TRIM27: variants seen among roughly 807,000 people sequenced by gnomAD.
The protein encoded by TRIM27 is tripartite motif containing 27.
A neutral mutation model predicts 57.6 loss-of-function variants in TRIM27; 12 were observed. The observed-to-expected ratio is 0.21, with a 90% CI of 0.13 to 0.34. The LOEUF is 0.34. TRIM27 is among the 10% of genes least tolerant of loss of function. The pLI is 1.00. For missense variants in TRIM27, 403 were observed against 656.8 expected (o/e 0.61, Z 4.22); for synonymous variants, 266 against 259.0 (o/e 1.03, Z -0.26).
At chr6:28,918,953 A>G (rs1017170921) in intron 3 of TRIM27, among the ~76,000 whole-genome samples, 3 of 152,088 alleles carry the variant, frequency 2.0e-5, no homozygotes, top group Admixed American at 2.0e-4. Context: ...AAAACAGGGG[A>G]TGGACCATAA....
chr6:28,917,779 C>T (rs997595472), intron 3 of TRIM27, among the ~76,000 whole-genome samples: 1 of 151,910 alleles, frequency 6.6e-6, no homozygotes, highest in African/African-American at 2.4e-5. Flanking sequence ...TTCCACCTGC[C>T]TTCTCAGGAA....
In TRIM27 at chr6:28,920,117, G is replaced by T. The variant is rs201045848; in HGVS notation, c.642C>A (p.Ser214Arg). 6.2e-7 allele frequency: 1 copy of T among 1,614,256 alleles called. No individual in the cohort carries two copies. The highest frequency in any genetic ancestry group is 1.3e-5 in the African/African-American group (1 of 75,066). The change falls in exon 3 of 8, where the codon AGC becomes AGA. Residue 214 changes from serine (S) to arginine (R), a missense_variant. Transcript: ENST00000377199. ...AGAACTGGGTGATGGCACCATTGAT[G>T]CTATTGTAGATGGCCAAGTCTAGCT... ...LEELDLAIYN[S>R]INGAITQFSC...
chr6:28,918,026 A>G (rs924906165), intron 3 of TRIM27, among the ~76,000 whole-genome samples: 10 of 151,848 alleles, frequency 6.6e-5, no homozygotes, highest in Non-Finnish European at 5.9e-5. Context: ...GGGTTTCTCC[A>G]TGTTGGTCAG....
intron 2 of TRIM27, 66 bp downstream of exon 2, chr6:28,921,826 G>C: frequency 1.5e-6 from 2 of 1,313,910 alleles, no homozygotes; most frequent in South Asian, 1.2e-5. Context: ...TTTAAGGGAA[G>C]TAACATCAGC....
chr6:28,904,250 C>G lies in TRIM27; in HGVS notation c.1362G>C (p.Glu454Asp). 6.2e-7 allele frequency: 1 copy of G among 1,613,134 alleles called. No homozygotes were observed. Among genetic ancestry groups the G allele is most frequent in the Non-Finnish European group, 8.5e-7 (1 of 1,180,044 alleles). Residue 454 changes from glutamate (E) to aspartate (D), a missense_variant, in exon 8 of 8, where the codon GAG (glutamate) becomes GAC (aspartate). Physicochemically the swap from Glu to Asp is conservative, Grantham distance 45. Transcript: ENST00000377199. This position sits in a 1 kb window ranked among gnomAD's most constrained non-coding sequence, Gnocchi z 6.1. Reference protein sequence around the residue: ...AGEVSFYNVTERCHTFTFSHA... With the variant: ...AGEVSFYNVTDRCHTFTFSHA... ...GAGAGAAAGTGAAGGTGTGACACCT[C>G]TCTGTCACGTTGTAGAAGGAGACCT... is the stretch of plus-strand genomic sequence containing the variant.
At chr6:28,913,743 C>A (rs772015134) in intron 3 of TRIM27, among the ~76,000 whole-genome samples, 6 of 152,018 alleles carry the variant, frequency 3.9e-5, no homozygotes, top group Non-Finnish European at 7.4e-5. Flanking sequence ...TCTTTTGCAG[C>A]TTGTCTATTT....
At position 28,917,988 on chromosome 6, in the gene TRIM27, G is replaced by A. The variant is rs553592639; in HGVS notation, c.747+2024C>T. ...ATTACAAGCATGTGCCACCACACCCGGCTAATTTTGTATTTTTAATAGAGA... is the reference window on the plus strand; with the variant it reads ...ATTACAAGCATGTGCCACCACACCCAGCTAATTTTGTATTTTTAATAGAGA... On this transcript the variant is annotated intron_variant, in intron 3 of 7. Transcript: ENST00000377199. Among the ~76,000 whole-genome samples, 11 of 151,916 alleles carry A rather than the reference G, an allele frequency of 7.2e-5. No individual in the cohort carries two copies. The South Asian group carries it at 1.5e-3, about 20-fold the overall frequency.
rs1319638532 is a variant in TRIM27, at chr6:28,904,712, A to G, written c.947-47T>C. 1.4e-6 allele frequency: 2 copies of G among 1,468,558 alleles called. No homozygotes were observed. Among genetic ancestry groups the G allele is most frequent in the Non-Finnish European group, 9.2e-7 (1 of 1,088,092 alleles). The allele number at this position is 1,468,558 out of a possible 1,614,324, so 91.0% of individuals were successfully genotyped here. On this transcript the variant is annotated intron_variant, in intron 7 of 7. Transcript: ENST00000377199. This position sits in a 1 kb window ranked among gnomAD's most constrained non-coding sequence, Gnocchi z 6.1. The stretch of plus-strand genomic sequence containing the variant: ...AGTCAGCCGTGGGCCAGGAGAGCCT[A>G]TTTTAGAACACCCAGCGCCTTTCTA...
At chr6:28,908,582 C>T in intron 6 of TRIM27, 1 of 485,356 alleles carries the variant, frequency 2.1e-6, no homozygotes, top group Non-Finnish European at 3.6e-6. Flanking sequence ...TATTTTTCTC[C>T]TCCATCAATG....
At chr6:28,919,244 T>C (rs925948789) in intron 3 of TRIM27, among the ~76,000 whole-genome samples, 4 of 152,052 alleles carry the variant, frequency 2.6e-5, no homozygotes, top group Non-Finnish European at 5.9e-5. Flanking sequence ...GTCCTAGACC[T>C]TGTGATCCAC....
At chr6:28,919,748 A>G (rs1047743781) in intron 3 of TRIM27, among the ~76,000 whole-genome samples, 3 of 152,220 alleles carry the variant, frequency 2.0e-5, no homozygotes, top group African/African-American at 4.8e-5. Context: ...TAATCAGACC[A>G]CTTGTCAGTG....
chr6:28,915,293 TAAAAAAAAAAAAA>T (rs9256952), intron 3 of TRIM27: 6 of 111,956 alleles, frequency 5.4e-5, no homozygotes, highest in Admixed American at 9.8e-5. Flanking sequence ...AAAATATTCT[TAAAAAAAAAAAAA>T]AAAAAAAAAA....
At chr6:28,913,521 G>A (rs1006472187) in intron 3 of TRIM27, among the ~76,000 whole-genome samples, 1 of 151,940 alleles carries the variant, frequency 6.6e-6, no homozygotes, top group East Asian at 1.9e-4. Flanking sequence ...TAAATATTGA[G>A]AAATTCTCCT....
In TRIM27 at chr6:28,904,880, A is replaced by G; in HGVS notation, c.947-215T>C. 1 of 560,266 alleles carries G rather than the reference A, an allele frequency of 1.8e-6. No homozygotes were observed. Among genetic ancestry groups the G allele is most frequent in the Non-Finnish European group, 3.2e-6 (1 of 316,556 alleles). 34.7% of individuals were successfully genotyped at this position (560,266 alleles called of 1,614,324 possible). A position where few individuals can be genotyped will look rare whatever the true frequency, so the allele number is the denominator to read the frequency against. ...TGAAAATACAGAATTTTAGCCCCGT[A>G]TCTTTTCTTTCACATCTGAAGCCAC... On this transcript the variant is annotated intron_variant, in intron 7 of 7. Transcript: ENST00000377199. The surrounding 1 kb of genome is among the most constrained non-coding windows in gnomAD (Gnocchi z 6.1).
At chr6:28,905,064 T>G in intron 7 of TRIM27, 2 of 184,380 alleles carry the variant, frequency 1.1e-5, no homozygotes, top group East Asian at 1.4e-4. Flanking sequence ...AGGTGTGCAC[T>G]ACCACCCTAA....
chr6:28,904,591 T>C lies in TRIM27; in HGVS notation c.1021A>G (p.Ser341Gly). 1 of 1,607,230 alleles carries C rather than the reference T, an allele frequency of 6.2e-7. No homozygotes were observed. The highest frequency in any genetic ancestry group is 1.1e-5 in the South Asian group (1 of 91,080). ...LSDNLRQVRY[S>G]YLQQDLPDNP... ...TCAGGCAGGTCCTGTTGGAGGTAACTGTACCGCACTTGCCGCAGATTATCA... is the reference window on the plus strand; with the variant it reads ...TCAGGCAGGTCCTGTTGGAGGTAACCGTACCGCACTTGCCGCAGATTATCA... The change falls in exon 8 of 8, where the codon AGT becomes GGT. Residue 341 changes from serine (S) to glycine (G), a missense_variant. Transcript: ENST00000377199. The surrounding 1 kb of genome is among the most constrained non-coding windows in gnomAD (Gnocchi z 6.1).
chr6:28,921,264 T>C (rs1774010447), intron 2 of TRIM27, among the ~76,000 whole-genome samples: 1 of 151,520 alleles, frequency 6.6e-6, no homozygotes, highest in Non-Finnish European at 1.5e-5. Context: ...GCCTGTAGCC[T>C]CAGCTACCTG....
chr6:28,917,241 G>A lies in TRIM27; in HGVS notation c.747+2771C>T, dbSNP rs1479910354. Among the ~76,000 whole-genome samples, 6 of 151,978 alleles carry A rather than the reference G, an allele frequency of 3.9e-5. No individual in the cohort carries two copies. In the East Asian group the frequency reaches 7.8e-4, roughly 20 times the overall value. ...GACCATCTGCTTACTCAGTGCCCAC[G>A]CCAGAGCAGTCAAGATTTGAGAAAG... is the stretch of plus-strand genomic sequence containing the variant. On this transcript the variant is annotated intron_variant, in intron 3 of 7. Coordinates refer to ENST00000377199, the MANE Select transcript of TRIM27 (RefSeq NM_006510.5).
chr6:28,904,336 C>G lies in TRIM27; in HGVS notation c.1276G>C (p.Ala426Pro). The G allele has an allele frequency of 6.2e-7, 1 of 1,613,074 alleles. No individual in the cohort carries two copies. The highest frequency in any genetic ancestry group is 8.5e-7 in the Non-Finnish European group (1 of 1,180,012). Residue 426 changes from alanine (A) to proline (P), a missense_variant, in exon 8 of 8, where the codon GCC becomes CCC. Transcript: ENST00000377199. The surrounding 1 kb of genome is among the most constrained non-coding windows in gnomAD (Gnocchi z 6.1). ...EYWALTSPMT[A>P]LPLRTPLQRV... is the part of the protein sequence containing the mutation. The stretch of plus-strand genomic sequence containing the variant: ...TGGAGCGGGGTCCGCAGGGGTAGGG[C>G]AGTCATTGGGGAGGTAAGAGCCCAA...
Sources: gnomAD v4.1 joint callset for allele counts (sites outside exome capture counted in the v4.1 genomes callset) on GRCh38, gnomAD v4.1.1 for gene constraint, Gnocchi (gnomAD v3.1) non-coding constraint, MANE v1.5 for transcripts, NCBI Gene and HGNC (gene_info 2026-07-23, HGNC 2026-07-21) for gene names.